The following ZSWIM5 variants were observed in gnomAD, a reference collection of about 807,000 sequenced individuals.
ZSWIM5 encodes the protein zinc finger SWIM domain-containing protein 5.
In ZSWIM5, 55 loss-of-function variants were observed where a neutral mutation model predicts 119.6. The ratio of observed to expected loss-of-function variants is 0.46; its 90% CI spans 0.37 to 0.58. The LOEUF (loss-of-function observed/expected upper bound fraction) is 0.58, where lower values mean the gene tolerates loss of function less well. Among genes scored for constraint, ZSWIM5 ranks in the 20% least tolerant of loss-of-function variants. The pLI is 0.00. For missense variants in ZSWIM5, 1,193 were observed against 1,512.8 expected (o/e 0.79, Z 3.51); for synonymous variants, 537 against 606.9 (o/e 0.88, Z 1.69).
intron 5 of ZSWIM5, among the ~76,000 whole-genome samples, chr1:45,045,143 T>G (rs1218501972): frequency 6.6e-6 from 1 of 151,916 alleles, no homozygotes; most frequent in Non-Finnish European, 1.5e-5. Context: ...GCTCAACTCT[T>G]AAGGGTGGTA....
chr1:45,155,956 A>ATACCTGACTCT (rs1477869514), intron 1 of ZSWIM5, among the ~76,000 whole-genome samples: 1 of 152,112 alleles, frequency 6.6e-6, no homozygotes, highest in East Asian at 1.9e-4. Context: ...GGTGATGGGT[A>ATACCTGACTCT]CACCAACATC....
At chr1:45,046,877 A>G (rs1372797059) in intron 5 of ZSWIM5, among the ~76,000 whole-genome samples, 1 of 151,904 alleles carries the variant, frequency 6.6e-6, no homozygotes, top group Non-Finnish European at 1.5e-5. Context: ...TACAAAAATT[A>G]GTCAGGCGTG....
At chr1:45,153,129 T>C (rs965857066) in intron 1 of ZSWIM5, among the ~76,000 whole-genome samples, 7 of 147,526 alleles carry the variant, frequency 4.7e-5, no homozygotes, top group Admixed American at 2.7e-4. Flanking sequence ...AAAAAACAGA[T>C]GCTGGTGAGA....
chr1:45,078,045 T>C (rs930438173), intron 2 of ZSWIM5, among the ~76,000 whole-genome samples: 2 of 152,198 alleles, frequency 1.3e-5, no homozygotes, highest in Non-Finnish European at 2.9e-5. Flanking sequence ...TGAGGCGACA[T>C]ACATCCTTCT....
intron 2 of ZSWIM5, among the ~76,000 whole-genome samples, chr1:45,062,133 A>G (rs559903954): frequency 6.6e-6 from 1 of 152,290 alleles, no homozygotes; most frequent in Admixed American, 6.5e-5. Flanking sequence ...TGTGGTCACC[A>G]TGTAGTGCAA....
intron 1 of ZSWIM5, among the ~76,000 whole-genome samples, chr1:45,132,842 T>G (rs1218028124): frequency 1.3e-5 from 2 of 152,174 alleles, no homozygotes; most frequent in East Asian, 3.9e-4. Context: ...AATTCCCACC[T>G]ATAAGTGAGA....
At chr1:45,125,759 G>A (rs533300501) in intron 1 of ZSWIM5, among the ~76,000 whole-genome samples, 7 of 129,322 alleles carry the variant, frequency 5.4e-5, no homozygotes, top group South Asian at 2.3e-4. Flanking sequence ...GCAAAACTCC[G>A]TTTCACAAAA....
intron 1 of ZSWIM5, among the ~76,000 whole-genome samples, chr1:45,115,529 C>T (rs1246145919): frequency 1.3e-5 from 2 of 149,908 alleles, no homozygotes; most frequent in Non-Finnish European, 3.0e-5. Context: ...GCGCTCCTCA[C>T]ATCCCAGACG....
intron 1 of ZSWIM5, among the ~76,000 whole-genome samples, chr1:45,161,051 T>C: frequency 6.7e-6 from 1 of 149,990 alleles, no homozygotes; most frequent in Non-Finnish European, 1.5e-5. Context: ...GGTCAACCCC[T>C]GACCTCAGGT....
chr1:45,058,847 T>C (rs1336872367), intron 3 of ZSWIM5, 88 bp from the exon 4 acceptor site: 3 of 1,468,326 alleles, frequency 2.0e-6, no homozygotes, highest in East Asian at 4.5e-5. Context: ...GAAGTGAAGA[T>C]GAAGTATCTG....
chr1:45,040,697 G>C (rs1426644882), intron 6 of ZSWIM5, among the ~76,000 whole-genome samples, 159 bp from the exon 7 acceptor site: 1 of 152,210 alleles, frequency 6.6e-6, no homozygotes, highest in African/African-American at 2.4e-5. Flanking sequence ...GATATAAAAA[G>C]TTGAATAAAT....
intron 1 of ZSWIM5, among the ~76,000 whole-genome samples, chr1:45,133,135 A>G (rs533130350): frequency 3.2e-4 from 48 of 152,082 alleles, no homozygotes; most frequent in Middle Eastern, 3.4e-3. Context: ...ACCCAGTAAT[A>G]GGATGGCTGG....
intron 1 of ZSWIM5, among the ~76,000 whole-genome samples, chr1:45,201,402 A>T (rs551177441): frequency 4.6e-5 from 7 of 152,324 alleles, no homozygotes; most frequent in Admixed American, 4.6e-4. Flanking sequence ...ATTGATTTTT[A>T]AAAATTTTAT....
At chr1:45,143,029 G>C (rs2149034902) in intron 1 of ZSWIM5, among the ~76,000 whole-genome samples, 1 of 149,932 alleles carries the variant, frequency 6.7e-6, no homozygotes, top group Non-Finnish European at 1.5e-5. Flanking sequence ...AAAAAAATTA[G>C]CTGGGTGTGG....
intron 1 of ZSWIM5, among the ~76,000 whole-genome samples, chr1:45,200,582 C>T (rs903606815): frequency 6.6e-6 from 1 of 151,804 alleles, no homozygotes; most frequent in Non-Finnish European, 1.5e-5. Flanking sequence ...GAAAAAAAAC[C>T]CACAGTAATC....
intron 4 of ZSWIM5, among the ~76,000 whole-genome samples, chr1:45,056,825 T>C (rs1041644593): frequency 6.6e-6 from 1 of 152,128 alleles, no homozygotes; most frequent in African/African-American, 2.4e-5. Context: ...AGGCAAACCA[T>C]ATGGGTAGAG....
intron 2 of ZSWIM5, among the ~76,000 whole-genome samples, chr1:45,067,623 G>A (rs1433758335): frequency 6.6e-6 from 1 of 152,172 alleles, no homozygotes; most frequent in Non-Finnish European, 1.5e-5. Context: ...GTAGAGGACA[G>A]CATTAAGGAA....
At position 45,036,110 on chromosome 1, in the gene ZSWIM5, T is replaced by C. The variant is rs1419290066; in HGVS notation, c.2084A>G (p.Gln695Arg). The part of the protein sequence containing the change: ...VCRNEEQLLS[Q>R]LQELQLDDEL... ...ATCGTCCAGCTGCAGCTCTTGGAGT[T>C]GGCTCAGGAGCTGCTCCTCATTACG... Residue 695 changes from glutamine (Q) to arginine (R), a missense_variant, in exon 9 of 14, where the codon CAA becomes CGA. This residue lies in a region of ZSWIM5 where 961 missense variants were observed against 1,290.0 expected (regional missense o/e 0.74). Transcript: ENST00000359600. 6.2e-7 allele frequency: 1 copy of C among 1,614,172 alleles called. No homozygotes were observed. Among genetic ancestry groups the C allele is most frequent in the South Asian group, 1.1e-5 (1 of 91,088 alleles).
chr1:45,194,740 G>C (rs1368686892), intron 1 of ZSWIM5, among the ~76,000 whole-genome samples: 2 of 152,034 alleles, frequency 1.3e-5, no homozygotes, highest in African/African-American at 4.8e-5. Flanking sequence ...AGCCAGGCGT[G>C]GTGGCGGGCA....
Sources: gnomAD v4.1 joint callset for allele counts (sites outside exome capture counted in the v4.1 genomes callset) on GRCh38, gnomAD v4.1.1 for gene constraint, gnomAD v4.1.1 regional missense constraint, MANE v1.5 for transcripts, NCBI Gene and HGNC (gene_info 2026-07-23, HGNC 2026-07-21) for gene names.